The following ADAMTSL1 variants were observed in gnomAD, a reference collection of about 807,000 sequenced individuals.
The protein encoded by ADAMTSL1 is ADAMTS like 1.
ADAMTSL1 carries 126 observed loss-of-function variants against 201.8 expected under a neutral mutation model. The observed-to-expected ratio is 0.62, with a 90% confidence interval of 0.54 to 0.72. The LOEUF (loss-of-function observed/expected upper bound fraction) is 0.72, where lower values mean the gene tolerates loss of function less well. ADAMTSL1 is among the 30% of genes least tolerant of loss of function. The pLI, the probability that ADAMTSL1 is intolerant of heterozygous loss-of-function variation, is 0.00. For missense variants in ADAMTSL1, 2,679 were observed against 2,277.8 expected, an observed-to-expected ratio of 1.18 and a Z score of -3.59; for synonymous variants, 1,121 against 903.4, an observed-to-expected ratio of 1.24 and a Z score of -4.32.
chr9:18,509,000 A>C lies in ADAMTSL1; in HGVS notation c.191+4044A>C, dbSNP rs200030368. ...GAGATCGAGACCATCCTGGCTAACA[A>C]GGTGAAACCCCGTCTCTACTAAAAA... is the stretch of plus-strand genomic sequence containing the variant. On this transcript the variant is annotated intron_variant, in intron 2 of 28. Transcript: ENST00000380548. Among the ~76,000 whole-genome samples, 13 of 133,234 alleles carry C rather than the reference A, an allele frequency of 9.8e-5. 3 individuals carry two copies. Among genetic ancestry groups the C allele is most frequent in the Non-Finnish European group, 1.9e-4 (12 of 62,500 alleles). 87.4% of individuals were successfully genotyped at this position (133,234 alleles called of 152,430 possible).
intron 2 of ADAMTSL1, among the ~76,000 whole-genome samples, chr9:18,415,891 C>T (rs751333957): frequency 7.9e-5 from 12 of 151,810 alleles, no homozygotes; most frequent in Non-Finnish European, 1.3e-4. Context: ...GAGAATGGAG[C>T]AGTATTTGTA....
At chr9:18,641,249 A>T (rs1397715419) in intron 7 of ADAMTSL1, among the ~76,000 whole-genome samples, 1 of 151,950 alleles carries the variant, frequency 6.6e-6, no homozygotes, top group Admixed American at 6.6e-5. Context: ...TCTACCCCAA[A>T]TTTCTGTCTG....
intron 2 of ADAMTSL1, among the ~76,000 whole-genome samples, chr9:18,310,548 T>C (rs1029522523): frequency 6.6e-6 from 1 of 151,908 alleles, no homozygotes; most frequent in Non-Finnish European, 1.5e-5. Context: ...GCAAAGGATA[T>C]GAACAGACAC....
chr9:18,038,038 G>C (rs571975628), intron 1 of ADAMTSL1, among the ~76,000 whole-genome samples: 2 of 152,170 alleles, frequency 1.3e-5, no homozygotes, highest in Non-Finnish European at 2.9e-5. Context: ...AAATCAAAGA[G>C]CACTTGGGAA....
chr9:18,696,919 C>T (rs939891057), intron 13 of ADAMTSL1, among the ~76,000 whole-genome samples: 7 of 120,514 alleles, frequency 5.8e-5, no homozygotes, highest in African/African-American at 6.2e-5. Context: ...CTTGCTTTGT[C>T]GCCAGGCTGG....
intron 1 of ADAMTSL1, among the ~76,000 whole-genome samples, chr9:18,081,744 A>G (rs1281384884): frequency 6.6e-6 from 1 of 152,212 alleles, no homozygotes; most frequent in Non-Finnish European, 1.5e-5. Flanking sequence ...TTGTCTATTT[A>G]TATTTTGATT....
chr9:18,548,166 A>G (rs894563129), intron 3 of ADAMTSL1, among the ~76,000 whole-genome samples: 2 of 151,980 alleles, frequency 1.3e-5, no homozygotes, highest in South Asian at 2.1e-4. Flanking sequence ...CTTATGGCAC[A>G]TTTGTGGTCA....
At chr9:18,472,548 A>G (rs10511638), upstream of ADAMTSL1, among the ~76,000 whole-genome samples, 14,435 of 152,212 alleles carry the variant, frequency 0.095, 756 homozygotes, top group Non-Finnish European at 0.12. Context: ...TCTCTCTTTA[A>G]TTGATATACC....
At chr9:17,968,862 T>C (rs1236492211) in intron 1 of ADAMTSL1, among the ~76,000 whole-genome samples, 1 of 152,166 alleles carries the variant, frequency 6.6e-6, no homozygotes, top group African/African-American at 2.4e-5. Flanking sequence ...GAATGGTATC[T>C]AACTGCCTCA....
intron 1 of ADAMTSL1, among the ~76,000 whole-genome samples, chr9:18,487,516 G>A (rs868256539): frequency 1.3e-5 from 2 of 152,208 alleles, no homozygotes; most frequent in Middle Eastern, 3.4e-3. Context: ...ACTGCAAACA[G>A]CATGAAAATG....
intron 2 of ADAMTSL1, among the ~76,000 whole-genome samples, chr9:18,210,917 A>G (rs977607594): frequency 6.6e-6 from 1 of 152,054 alleles, no homozygotes; most frequent in African/African-American, 2.4e-5. Flanking sequence ...AGACAGAGAC[A>G]TTAGAGAAAC....
chr9:17,949,933 T>A (rs1039090219), intron 1 of ADAMTSL1, among the ~76,000 whole-genome samples: 4 of 152,142 alleles, frequency 2.6e-5, no homozygotes, highest in African/African-American at 9.7e-5. Context: ...AGTGCTTTTT[T>A]TTTGAGACGG....
intron 1 of ADAMTSL1, among the ~76,000 whole-genome samples, chr9:18,152,274 A>G (rs1395027907): frequency 2.6e-5 from 4 of 152,154 alleles, no homozygotes; most frequent in African/African-American, 9.6e-5. Context: ...GAGGATGCGT[A>G]GAAACAGCAG....
At chr9:18,809,828 T>C (rs1823394291) in intron 20 of ADAMTSL1, among the ~76,000 whole-genome samples, 1 of 152,112 alleles carries the variant, frequency 6.6e-6, no homozygotes, top group Admixed American at 6.6e-5. Flanking sequence ...CTTGAAGTTT[T>C]GTTTTAATTG....
At chr9:18,839,603 G>T (rs200859218) in intron 23 of ADAMTSL1, among the ~76,000 whole-genome samples, 1 of 152,264 alleles carries the variant, frequency 6.6e-6, no homozygotes, top group South Asian at 2.1e-4. Context: ...CTTGAGGAAT[G>T]GCCACACTGC....
At position 18,879,765 on chromosome 9, in the gene ADAMTSL1, A is replaced by G. The variant is rs1463716471; in HGVS notation, c.4250-8066A>G. 3.9e-5 allele frequency among the ~76,000 whole-genome samples: 6 copies of G among 152,218 alleles called. No individual in the cohort carries two copies. The East Asian group carries it at 9.6e-4, about 24-fold the overall frequency. ...TATTGGAAAGATTCTGGCAGTTTTTAAAAGACAACAACAATGAAGTTTGCT... is the reference window on the plus strand; with the variant it reads ...TATTGGAAAGATTCTGGCAGTTTTTGAAAGACAACAACAATGAAGTTTGCT... On this transcript the variant is annotated intron_variant, in intron 23 of 28. Transcript: ENST00000380548.
chr9:18,584,165 C>T (rs959095060), intron 4 of ADAMTSL1, among the ~76,000 whole-genome samples: 1 of 152,302 alleles, frequency 6.6e-6, no homozygotes, highest in Non-Finnish European at 1.5e-5. Context: ...TTGTAACTCC[C>T]ACAATTCCCA....
At position 18,706,083 on chromosome 9, in the gene ADAMTSL1, C is replaced by A. The variant is rs537668509; in HGVS notation, c.1575-664C>A. 1.5e-3 allele frequency among the ~76,000 whole-genome samples: 229 copies of A among 152,260 alleles called. 3 individuals are homozygous for A. Among genetic ancestry groups the A allele is most frequent in the Non-Finnish European group, 3.5e-4 (24 of 68,018 alleles). On this transcript the variant is annotated intron_variant, in intron 13 of 28. Coordinates refer to ENST00000380548, the MANE Select transcript of ADAMTSL1 (RefSeq NM_001040272.6). ...GGCAGCCCTGAGGGCTGCTGGTTGG[C>A]TATTTTTATGGTTATTTCTTGATCA...
intron 20 of ADAMTSL1, among the ~76,000 whole-genome samples, chr9:18,815,343 T>C (rs1456223791): frequency 6.6e-6 from 1 of 150,988 alleles, no homozygotes; most frequent in Admixed American, 6.6e-5. Flanking sequence ...AAAGAAAATA[T>C]GGTATATATG....
Sources: allele counts gnomAD v4.1 joint callset (sites outside exome capture counted in the v4.1 genomes callset), GRCh38; gene constraint gnomAD v4.1.1; transcripts MANE v1.5; gene names NCBI Gene and HGNC (gene_info 2026-07-23, HGNC 2026-07-21).